CPQ: variants seen among roughly 807,000 people sequenced by gnomAD.
CPQ encodes the protein carboxypeptidase Q.
Under a neutral mutation model 45.7 loss-of-function variants are expected in CPQ, and 37 were observed. The observed-to-expected ratio is 0.81, with a 90% CI of 0.62 to 1.07. The LOEUF (loss-of-function observed/expected upper bound fraction) is 1.07. Ranked by LOEUF, CPQ falls within the 50% of genes least tolerant of loss-of-function variation. The probability of loss-of-function intolerance (pLI) is 0.00; values close to 1 mark genes in which losing one functional copy is unlikely to be tolerated. For missense variants in CPQ, 537 were observed against 572.9 expected, an observed-to-expected ratio of 0.94 and a Z score of 0.64; for synonymous variants, 186 against 205.8, an observed-to-expected ratio of 0.90 and a Z score of 0.82.
chr8:97,038,651 C>T (rs560411802), intron 6 of CPQ, among the ~76,000 whole-genome samples: 3 of 152,022 alleles, frequency 2.0e-5, no homozygotes, highest in Non-Finnish European at 4.4e-5. Flanking sequence ...AAGTTGTCTT[C>T]TGCCCTTTTG....
chr8:96,932,034 T>C (rs1812981771), intron 4 of CPQ, among the ~76,000 whole-genome samples: 1 of 152,198 alleles, frequency 6.6e-6, no homozygotes, highest in African/African-American at 2.4e-5. Context: ...TAAAATTATT[T>C]TTAGTTTTCA....
At chr8:97,006,712 GAT>G (rs1343488328) in intron 5 of CPQ, among the ~76,000 whole-genome samples, 1 of 152,184 alleles carries the variant, frequency 6.6e-6, no homozygotes, top group Non-Finnish European at 1.5e-5. Context: ...CTGGTTCCCT[GAT>G]ATGTTATGCT....
chr8:97,060,413 T>A (rs1015888667), intron 6 of CPQ, among the ~76,000 whole-genome samples: 1 of 152,128 alleles, frequency 6.6e-6, no homozygotes, highest in Non-Finnish European at 1.5e-5. Context: ...TGAGCAGATA[T>A]TAACTAATCC....
chr8:96,659,655 G>A (rs972127496), intron 1 of CPQ, among the ~76,000 whole-genome samples: 7 of 151,982 alleles, frequency 4.6e-5, no homozygotes, highest in Non-Finnish European at 8.8e-5. Flanking sequence ...TGCTTTTTCT[G>A]TATTTTCTAT....
intron 1 of CPQ, among the ~76,000 whole-genome samples, chr8:96,672,216 G>A (rs1288308496): frequency 6.6e-6 from 1 of 152,092 alleles, no homozygotes. Context: ...CCTTGACAGG[G>A]CTACCCCATT....
chr8:96,713,460 G>A (rs1476462134), intron 1 of CPQ, among the ~76,000 whole-genome samples: 1 of 152,216 alleles, frequency 6.6e-6, no homozygotes, highest in East Asian at 1.9e-4. Context: ...TCACAGTTCA[G>A]TGTGGCTGGG....
At chr8:96,717,306 G>A (rs1408850866) in intron 1 of CPQ, among the ~76,000 whole-genome samples, 1 of 151,614 alleles carries the variant, frequency 6.6e-6, no homozygotes, top group African/African-American at 2.4e-5. Flanking sequence ...TCTCCACACT[G>A]TTTTCCATAG....
At chr8:96,940,989 G>A (rs1056093588) in intron 4 of CPQ, among the ~76,000 whole-genome samples, 3 of 152,142 alleles carry the variant, frequency 2.0e-5, no homozygotes, top group African/African-American at 4.8e-5. Flanking sequence ...GAGCCAGCAT[G>A]CTTTTTCACC....
At chr8:96,752,068 A>G (rs1046775802) in intron 1 of CPQ, among the ~76,000 whole-genome samples, 1 of 152,152 alleles carries the variant, frequency 6.6e-6, no homozygotes, top group Non-Finnish European at 1.5e-5. Flanking sequence ...GGTGGGTAGC[A>G]TGATGGCTCC....
At chr8:96,660,172 G>A (rs1815683181) in intron 1 of CPQ, among the ~76,000 whole-genome samples, 1 of 152,146 alleles carries the variant, frequency 6.6e-6, no homozygotes, top group Non-Finnish European at 1.5e-5. Flanking sequence ...TGGTTGTGGG[G>A]GCTGGAAGTC....
intron 1 of CPQ, among the ~76,000 whole-genome samples, chr8:96,698,674 A>C (rs1025608586): frequency 2.0e-5 from 3 of 152,152 alleles, no homozygotes; most frequent in African/African-American, 4.8e-5. Context: ...TATTATGAAA[A>C]ATGGGCAAAA....
At chr8:97,101,970 C>G (rs1237238870) in intron 7 of CPQ, among the ~76,000 whole-genome samples, 3 of 150,946 alleles carry the variant, frequency 2.0e-5, no homozygotes, top group Non-Finnish European at 4.4e-5. Context: ...CTCTCTCTCT[C>G]TCTCTCTCCT....
chr8:96,797,683 G>A (rs1007260283), intron 2 of CPQ, among the ~76,000 whole-genome samples: 3 of 152,108 alleles, frequency 2.0e-5, no homozygotes, highest in Admixed American at 6.5e-5. Context: ...TTGGGAGGCC[G>A]AGGCAGATGG....
chr8:96,786,208 CA>C (rs1211844834), intron 2 of CPQ, among the ~76,000 whole-genome samples: 2 of 152,102 alleles, frequency 1.3e-5, no homozygotes, highest in Non-Finnish European at 2.9e-5. Context: ...CCTAGGAAAC[CA>C]CTAATCTGCT....
intron 5 of CPQ, among the ~76,000 whole-genome samples, chr8:96,966,503 A>G (rs978147586): frequency 2.0e-5 from 3 of 152,232 alleles, no homozygotes; most frequent in African/African-American, 7.2e-5. Flanking sequence ...ACAATAAGGA[A>G]TCCAGGCAGA....
intron 2 of CPQ, among the ~76,000 whole-genome samples, chr8:96,790,933 T>A (rs900485349): frequency 6.6e-6 from 1 of 152,156 alleles, no homozygotes; most frequent in Non-Finnish European, 1.5e-5. Context: ...TAAGGCTGCA[T>A]GAATAGGTGG....
chr8:97,127,334 A>G (rs1312899176), intron 7 of CPQ, among the ~76,000 whole-genome samples: 1 of 152,202 alleles, frequency 6.6e-6, no homozygotes, highest in Non-Finnish European at 1.5e-5. Flanking sequence ...TTTAACAAAC[A>G]TTTCACAAAC....
At chr8:96,964,134 T>C (rs1813512652) in intron 4 of CPQ, among the ~76,000 whole-genome samples, 1 of 150,582 alleles carries the variant, frequency 6.6e-6, no homozygotes, top group African/African-American at 2.4e-5. Context: ...ATGAATACTC[T>C]GTTATGAACA....
intron 1 of CPQ, among the ~76,000 whole-genome samples, chr8:96,760,168 C>T (rs1810381138): frequency 6.6e-6 from 1 of 152,182 alleles, no homozygotes; most frequent in Admixed American, 6.5e-5. Context: ...TGATTACGAG[C>T]TCTCCTTGTG....
Sources: gnomAD v4.1 joint callset for allele counts (sites outside exome capture counted in the v4.1 genomes callset) on GRCh38, gnomAD v4.1.1 for gene constraint, MANE v1.5 for transcripts, NCBI Gene and HGNC (gene_info 2026-07-23, HGNC 2026-07-21) for gene names.